Variants in TTC28 observed in about 807,000 individuals in gnomAD.
TTC28 encodes tetratricopeptide repeat domain 28, also known as tetratricopeptide repeat protein 28.
In TTC28, 61 loss-of-function variants were observed where a neutral mutation model predicts 198.0. That is an observed-to-expected ratio of 0.31 (90% CI 0.25 to 0.38). The LOEUF is 0.38. TTC28 is among the 10% of genes least tolerant of loss of function. TTC28 has a pLI of 1.00. For synonymous variants in TTC28, 1,171 were observed against 1,297.8 expected (o/e 0.90, Z 2.10); for missense variants, 2,678 against 3,164.0 (o/e 0.85, Z 3.69).
At chr22:28,516,757 A>G (rs1331919005) in intron 2 of TTC28, among the ~76,000 whole-genome samples, 1 of 151,790 alleles carries the variant, frequency 6.6e-6, no homozygotes, top group African/African-American at 2.4e-5. Context: ...CTTAAAGTAT[A>G]ATAAAAAAAA....
intron 2 of TTC28, among the ~76,000 whole-genome samples, chr22:28,354,589 G>C (rs1297626261): frequency 6.6e-6 from 1 of 152,218 alleles, no homozygotes; most frequent in East Asian, 1.9e-4. Context: ...AACAGTTCCA[G>C]AGCTGCAGAG....
At chr22:28,672,448 G>C (rs2051903836) in intron 1 of TTC28, among the ~76,000 whole-genome samples, 1 of 152,046 alleles carries the variant, frequency 6.6e-6, no homozygotes, top group Non-Finnish European at 1.5e-5. Flanking sequence ...TTACAGGCAT[G>C]AGCCACCGCG....
chr22:28,150,916 T>C (rs1183938656), intron 6 of TTC28, among the ~76,000 whole-genome samples: 1 of 152,194 alleles, frequency 6.6e-6, no homozygotes, highest in Non-Finnish European at 1.5e-5. Flanking sequence ...CACCTAGGTC[T>C]AGGAAAACAA....
At chr22:28,413,412 T>A (rs867430222) in intron 2 of TTC28, among the ~76,000 whole-genome samples, 2 of 152,252 alleles carry the variant, frequency 1.3e-5, no homozygotes, top group African/African-American at 4.8e-5. Context: ...AGCGAGACTC[T>A]GTCTTAAAAT....
At chr22:28,534,901 G>T (rs185592084) in intron 2 of TTC28, among the ~76,000 whole-genome samples, 10 of 151,910 alleles carry the variant, frequency 6.6e-5, no homozygotes, top group Non-Finnish European at 1.3e-4. Flanking sequence ...ATCACACACC[G>T]GGACGTGTTG....
chr22:28,414,621 T>C (rs1601364221), intron 2 of TTC28, among the ~76,000 whole-genome samples: 1 of 152,194 alleles, frequency 6.6e-6, no homozygotes, highest in South Asian at 2.1e-4. Flanking sequence ...ACCATAATTT[T>C]CTATCCAAGC....
intron 12 of TTC28, among the ~76,000 whole-genome samples, chr22:28,030,764 C>T (rs1939042795): frequency 6.6e-6 from 1 of 152,240 alleles, no homozygotes; most frequent in Non-Finnish European, 1.5e-5. Flanking sequence ...GTGAGGCAGT[C>T]CTCCCTGCAC....
In TTC28 at chr22:28,101,278, A is replaced by T. The variant is rs1309995736; in HGVS notation, c.3310T>A (p.Leu1104Ile). The change falls in exon 9 of 23, where the codon TTA (leucine) becomes ATA (isoleucine). Residue 1104 changes from leucine to isoleucine, a missense_variant and splice_region_variant. Leu to Ile is a conservative substitution (Grantham distance 5, BLOSUM62 2). This residue lies in a region of TTC28 where 727 missense variants were observed against 861.9 expected (regional missense o/e 0.84). Coordinates refer to ENST00000397906, the MANE Select transcript of TTC28 (RefSeq NM_001145418.2). The stretch of plus-strand genomic sequence containing the variant: ...CGGCCCAGTTGCTCAGCTAACCTTA[A>T]ACCTGAAACCAGATAGAGAAATTTA... ...SQAVMYLQEG[L>I]RLAEQLGRRE... 1 of 1,551,210 alleles carries T rather than the reference A, an allele frequency of 6.4e-7. No homozygotes were observed. Among genetic ancestry groups the T allele is most frequent in the African/African-American group, 1.4e-5 (1 of 73,162 alleles).
At chr22:28,677,572 G>C (rs1411001823) in intron 1 of TTC28, among the ~76,000 whole-genome samples, 2 of 152,130 alleles carry the variant, frequency 1.3e-5, no homozygotes, top group African/African-American at 4.8e-5. Context: ...CTGGGAGGTG[G>C]AGGTTGCAGT....
intron 2 of TTC28, among the ~76,000 whole-genome samples, chr22:28,320,080 GCTA>G (rs920669122): frequency 2.6e-5 from 4 of 151,940 alleles, no homozygotes; most frequent in East Asian, 1.9e-4. Flanking sequence ...CATTCTCTCT[GCTA>G]CTACTATTTT....
At chr22:28,480,999 T>TCA in intron 2 of TTC28, among the ~76,000 whole-genome samples, 1 of 152,140 alleles carries the variant, frequency 6.6e-6, no homozygotes, top group East Asian at 1.9e-4. Context: ...TCCCTGAAGG[T>TCA]CACACAGCCA....
chr22:28,207,242 CA>C (rs146874032), intron 5 of TTC28, among the ~76,000 whole-genome samples: 13 of 141,208 alleles, frequency 9.2e-5, no homozygotes, highest in Admixed American at 4.2e-4. Context: ...AAAAAAAGCA[CA>C]AAAAAAAACA....
chr22:28,226,928 T>C (rs1928385079), intron 5 of TTC28, among the ~76,000 whole-genome samples: 1 of 151,682 alleles, frequency 6.6e-6, no homozygotes, highest in East Asian at 2.0e-4. Flanking sequence ...ATCTGTTTAT[T>C]TTTTGTTTTG....
At chr22:28,259,466 G>C (rs1931172969) in intron 5 of TTC28, among the ~76,000 whole-genome samples, 1 of 152,036 alleles carries the variant, frequency 6.6e-6, no homozygotes, top group African/African-American at 2.4e-5. Flanking sequence ...TAGAGTACTA[G>C]AGATAACAGA....
chr22:28,535,214 T>C (rs2145912123), intron 2 of TTC28, among the ~76,000 whole-genome samples: 1 of 152,290 alleles, frequency 6.6e-6, no homozygotes, highest in East Asian at 1.9e-4. Flanking sequence ...ACCATATAGC[T>C]TTTGTTTCAC....
chr22:28,573,588 T>C (rs1419135180), intron 2 of TTC28, among the ~76,000 whole-genome samples: 5 of 152,146 alleles, frequency 3.3e-5, no homozygotes, highest in African/African-American at 1.2e-4. Flanking sequence ...GGTATATATA[T>C]TTACAGATAC....
rs991597772 is a variant in TTC28 at position 27,999,181 on chromosome 22, G to C, written c.4478C>G (p.Ser1493Trp). 2 of 1,550,854 alleles carry C rather than the reference G, an allele frequency of 1.3e-6. No homozygotes were observed. Among genetic ancestry groups the C allele is most frequent in the Non-Finnish European group, 8.7e-7 (1 of 1,146,978 alleles). ...CCACAGCCACCTGTCCATCACGGCC[G>C]ATGGTAGCTTGGGGTTGCCGATGAC... ...AAVIGNPKLP[S>W]AVMDRWLWGP... Residue 1493 changes from serine (S) to tryptophan (W), a missense_variant, in exon 16 of 23, where the codon TCG (serine) becomes TGG (tryptophan). Transcript: ENST00000397906.
chr22:28,400,003 C>A (rs1232432182), intron 2 of TTC28, among the ~76,000 whole-genome samples: 3 of 152,220 alleles, frequency 2.0e-5, no homozygotes, highest in African/African-American at 7.2e-5. Context: ...AAGATCAGCA[C>A]TGTATGTATA....
At chr22:28,449,754 G>A (rs1204028752) in intron 2 of TTC28, among the ~76,000 whole-genome samples, 1 of 152,126 alleles carries the variant, frequency 6.6e-6, no homozygotes, top group Non-Finnish European at 1.5e-5. Context: ...AACAAAGACA[G>A]GAAGGCCAAA....
Sources: gnomAD v4.1 joint callset for allele counts (sites outside exome capture counted in the v4.1 genomes callset) on GRCh38, gnomAD v4.1.1 for gene constraint, gnomAD v4.1.1 regional missense constraint, MANE v1.5 for transcripts, NCBI Gene and HGNC (gene_info 2026-07-23, HGNC 2026-07-21) for gene names.